Variants in ZNF804B observed in about 807,000 individuals in gnomAD.
The protein encoded by ZNF804B is zinc finger protein 804B, also known as zinc finger 804B.
In ZNF804B, 80 loss-of-function variants were observed where a neutral mutation model predicts 101.4. The ratio of observed to expected loss-of-function variants is 0.79; its 90% CI spans 0.66 to 0.95. ZNF804B has a LOEUF of 0.95. Among genes scored for constraint, ZNF804B ranks in the 40% least tolerant of loss-of-function variants. ZNF804B has a pLI of 0.00. For missense variants in ZNF804B, 1,673 were observed against 1,561.9 expected (o/e 1.07, Z -1.20); for synonymous variants, 622 against 558.8 (o/e 1.11, Z -1.59).
intron 1 of ZNF804B, among the ~76,000 whole-genome samples, chr7:89,014,475 C>A (rs1788510726): frequency 6.6e-6 from 1 of 152,108 alleles, no homozygotes; most frequent in Non-Finnish European, 1.5e-5. Flanking sequence ...CGCTGCGACG[C>A]CTGGCTAATT....
chr7:89,165,152 T>G (rs972564), intron 1 of ZNF804B, among the ~76,000 whole-genome samples: 61,772 of 151,882 alleles, frequency 0.41, 13,144 homozygotes, highest in Non-Finnish European at 0.47. Flanking sequence ...GCTACAACTG[T>G]ATGGCTAAAA....
intron 3 of ZNF804B, among the ~76,000 whole-genome samples, chr7:89,329,603 T>G (rs1182811785): frequency 6.6e-6 from 1 of 151,578 alleles, no homozygotes; most frequent in East Asian, 1.9e-4. Context: ...ACAGATCTTA[T>G]AAAGGGTCAT....
chr7:89,165,873 C>T (rs915568836), intron 1 of ZNF804B, among the ~76,000 whole-genome samples: 4 of 152,070 alleles, frequency 2.6e-5, no homozygotes, highest in African/African-American at 9.7e-5. Flanking sequence ...TAAACAGAAT[C>T]ACTGCATCTC....
chr7:89,099,422 A>G (rs921889144), intron 1 of ZNF804B, among the ~76,000 whole-genome samples: 2 of 152,174 alleles, frequency 1.3e-5, no homozygotes, highest in African/African-American at 4.8e-5. Context: ...ATGGTTTAAA[A>G]TCCACCTGCT....
intron 1 of ZNF804B, among the ~76,000 whole-genome samples, chr7:88,793,707 A>G (rs1790420989): frequency 6.6e-6 from 1 of 152,110 alleles, no homozygotes; most frequent in Admixed American, 6.6e-5. Context: ...ATTATATGTC[A>G]TATCGTAACT....
At chr7:88,830,879 T>C (rs1330474192) in intron 1 of ZNF804B, among the ~76,000 whole-genome samples, 1 of 151,998 alleles carries the variant, frequency 6.6e-6, no homozygotes, top group Non-Finnish European at 1.5e-5. Flanking sequence ...ATGTGAATTA[T>C]TTGTTCATGT....
intron 1 of ZNF804B, among the ~76,000 whole-genome samples, chr7:88,782,099 G>A (rs951926790): frequency 5.8e-5 from 7 of 119,760 alleles, no homozygotes; most frequent in Non-Finnish European, 9.9e-5. Flanking sequence ...TTTTGTGTGA[G>A]TGCGTGTGTG....
intron 1 of ZNF804B, among the ~76,000 whole-genome samples, chr7:88,928,714 T>C (rs754689013): frequency 2.6e-4 from 39 of 152,176 alleles, no homozygotes; most frequent in Admixed American, 2.6e-4. Context: ...GGCATTATTC[T>C]TAAATCATAA....
intron 1 of ZNF804B, among the ~76,000 whole-genome samples, chr7:88,785,547 A>T (rs1790288947): frequency 6.6e-6 from 1 of 152,126 alleles, no homozygotes; most frequent in South Asian, 2.1e-4. Flanking sequence ...TCTCATAAAA[A>T]TAAAACTGCT....
At chr7:89,235,267 AG>A (rs1789263151) in intron 2 of ZNF804B, among the ~76,000 whole-genome samples, 1 of 152,202 alleles carries the variant, frequency 6.6e-6, no homozygotes, top group Non-Finnish European at 1.5e-5. Flanking sequence ...TGAATCTTAA[AG>A]AACCTTATAA....
At chr7:89,079,699 T>C (rs1297375823) in intron 1 of ZNF804B, among the ~76,000 whole-genome samples, 1 of 151,936 alleles carries the variant, frequency 6.6e-6, no homozygotes, top group Non-Finnish European at 1.5e-5. Flanking sequence ...CAAGAACTAA[T>C]ATAGGAGGAC....
chr7:89,210,315 G>A (rs1342079111), intron 1 of ZNF804B, among the ~76,000 whole-genome samples: 2 of 152,200 alleles, frequency 1.3e-5, no homozygotes, highest in East Asian at 3.9e-4. Flanking sequence ...ATTATGCAAA[G>A]AAAATTAAAT....
intron 1 of ZNF804B, among the ~76,000 whole-genome samples, chr7:88,767,553 C>T (rs562302470): frequency 6.6e-6 from 1 of 152,288 alleles, no homozygotes; most frequent in South Asian, 2.1e-4. Flanking sequence ...CATGGGGCCT[C>T]TTTTTTTAAA....
chr7:88,771,708 A>G (rs1790066366), intron 1 of ZNF804B, among the ~76,000 whole-genome samples: 1 of 152,164 alleles, frequency 6.6e-6, no homozygotes, highest in African/African-American at 2.4e-5. Flanking sequence ...TATATATTAT[A>G]TGAAGAGTGA....
At chr7:88,898,173 G>A (rs1455231083) in intron 1 of ZNF804B, among the ~76,000 whole-genome samples, 6 of 125,066 alleles carry the variant, frequency 4.8e-5, no homozygotes, top group Non-Finnish European at 7.9e-5. Flanking sequence ...TGCAAGCTCC[G>A]CCTCCCGGGT....
intron 1 of ZNF804B, among the ~76,000 whole-genome samples, chr7:89,077,278 G>A (rs1432887338): frequency 2.6e-5 from 4 of 152,106 alleles, no homozygotes; most frequent in Admixed American, 1.3e-4. Flanking sequence ...TAGATTTTTG[G>A]CAGAAGGGTA....
intron 1 of ZNF804B, among the ~76,000 whole-genome samples, chr7:89,058,919 C>T (rs1789335177): frequency 6.6e-6 from 1 of 151,370 alleles, no homozygotes; most frequent in South Asian, 2.1e-4. Context: ...GTCTCTAACT[C>T]CTGCGTTCAA....
At chr7:88,837,214 C>T (rs1022615158) in intron 1 of ZNF804B, among the ~76,000 whole-genome samples, 2 of 151,820 alleles carry the variant, frequency 1.3e-5, no homozygotes, top group Non-Finnish European at 2.9e-5. Flanking sequence ...GTTATTCATG[C>T]TTGGCTATAT....
At chr7:88,985,501 G>GA (rs138588047) in intron 1 of ZNF804B, among the ~76,000 whole-genome samples, 3,080 of 152,142 alleles carry the variant, frequency 0.02, 114 homozygotes, top group African/African-American at 0.071. Context: ...AGGGCGATGG[G>GA]AGAGTCTCAT....
Sources: gnomAD v4.1 joint callset for allele counts (sites outside exome capture counted in the v4.1 genomes callset) on GRCh38, gnomAD v4.1.1 for gene constraint, MANE v1.5 for transcripts, NCBI Gene and HGNC (gene_info 2026-07-23, HGNC 2026-07-21) for gene names.